JAG1: variants seen among roughly 807,000 people sequenced by gnomAD.
JAG1 encodes jagged canonical Notch ligand 1, also known as protein jagged-1.
Under a neutral mutation model 148.7 loss-of-function variants are expected in JAG1, and 23 were observed. That is an observed-to-expected ratio of 0.15 (90% CI 0.11 to 0.22). The LOEUF is 0.22. Among genes scored for constraint, JAG1 ranks in the 10% least tolerant of loss-of-function variants. JAG1 has a pLI of 1.00. For synonymous variants in JAG1, 572 were observed against 598.3 expected (o/e 0.96, Z 0.64); for missense variants, 1,054 against 1,611.2 (o/e 0.65, Z 5.92).
At chr20:10,671,615 TC>T (rs368946751) in intron 2 of JAG1, among the ~76,000 whole-genome samples, 1 of 151,598 alleles carries the variant, frequency 6.6e-6, no homozygotes, top group South Asian at 2.1e-4. Flanking sequence ...GGCACCGAGC[TC>T]CCCCTCTCAC....
In JAG1 at chr20:10,645,521, C is replaced by T. The variant is rs182041278; in HGVS notation, c.2000-52G>A. ...TGAAGACGAGATCCAGGACCATTCA[C>T]GACAGGCGAGAGCCAAGCCTTTCCT... On this transcript the variant is annotated intron_variant, in intron 15 of 25. Coordinates refer to ENST00000254958, the MANE Select transcript of JAG1 (RefSeq NM_000214.3). This position sits in a 1 kb window ranked among gnomAD's most constrained non-coding sequence, Gnocchi z 6.1. 900 of 1,449,688 alleles carry T rather than the reference C, an allele frequency of 6.2e-4. 4 individuals carry two copies. Among genetic ancestry groups the T allele is most frequent in the South Asian group, 1.3e-3 (113 of 87,834 alleles). The allele number at this position is 1,449,688 out of a possible 1,614,324, so 89.8% of individuals were successfully genotyped here.
intron 2 of JAG1, among the ~76,000 whole-genome samples, chr20:10,668,269 C>T (rs2067470642): frequency 2.6e-5 from 4 of 152,124 alleles, no homozygotes; most frequent in African/African-American, 7.2e-5. Flanking sequence ...AGAATCACCA[C>T]TTTCCATTCA....
chr20:10,670,104 T>A (rs1015177841), intron 2 of JAG1, among the ~76,000 whole-genome samples: 3 of 152,170 alleles, frequency 2.0e-5, no homozygotes, highest in Non-Finnish European at 4.4e-5. Context: ...AAGGGCCACC[T>A]CTACAAAGCC....
chr20:10,672,663 G>A (rs1256905517), intron 2 of JAG1, 38 bp downstream of exon 2: 4 of 1,602,842 alleles, frequency 2.5e-6, no homozygotes, highest in African/African-American at 1.3e-5. Flanking sequence ...GCGCGGGTGT[G>A]AGGCTCCGCC....
rs980796931 is a variant in JAG1 at position 10,673,319 on chromosome 20, C to A, written c.81+131G>T. On this transcript the variant is annotated intron_variant, in intron 1 of 25. Transcript: ENST00000254958. This position sits in a 1 kb window ranked among gnomAD's most constrained non-coding sequence, Gnocchi z 4.7. ...GTTGGCGCGCTCAGCCCAGGTGCAGCCGCTCGGGCGCAGGGGCGAGGAGTC... is the reference window on the plus strand; with the variant it reads ...GTTGGCGCGCTCAGCCCAGGTGCAGACGCTCGGGCGCAGGGGCGAGGAGTC... 1 of 750,822 alleles carries A rather than the reference C, an allele frequency of 1.3e-6. No individual in the cohort carries two copies. Among genetic ancestry groups the A allele is most frequent in the East Asian group, 2.8e-5 (1 of 35,790 alleles). The allele number at this position is 750,822 out of a possible 1,614,324, so 46.5% of individuals were successfully genotyped here. A position where few individuals can be genotyped will look rare whatever the true frequency, so the allele number is the denominator to read the frequency against.
rs1374389007 is a variant in JAG1, at chr20:10,664,028, A to G, written c.388-14T>C. ...CGTATAGGACCTCTGCAAGACAAACAAACAATTTAGCAATTCAGAAACAGG... is the reference window on the plus strand; with the variant it reads ...CGTATAGGACCTCTGCAAGACAAACGAACAATTTAGCAATTCAGAAACAGG... On this transcript the variant is annotated splice_polypyrimidine_tract_variant and intron_variant, in intron 2 of 25. Transcript: ENST00000254958. 10 of 1,612,568 alleles carry G rather than the reference A, an allele frequency of 6.2e-6. No individual in the cohort carries two copies. Among genetic ancestry groups the G allele is most frequent in the Non-Finnish European group, 8.5e-6 (10 of 1,178,532 alleles).
chr20:10,653,426 A>T (rs1366387991), intron 5 of JAG1, among the ~76,000 whole-genome samples: 1 of 150,680 alleles, frequency 6.6e-6, no homozygotes, highest in Non-Finnish European at 1.5e-5. Flanking sequence ...AACAACTTTC[A>T]TCTGGGGTGG....
chr20:10,672,929 G>A lies in JAG1; in HGVS notation c.159C>T (p.Asn53=). Residue 53 remains asparagine (N), a synonymous_variant, in exon 2 of 26, where the codon AAC becomes AAT. Coordinates refer to ENST00000254958, the MANE Select transcript of JAG1 (RefSeq NM_000214.3). ...CCGGGTTCCGGGCGCCGCCGCAGCAGTTCCCGTTCTGCAGCTCCCCGTTCA... is the reference window on the plus strand; with the variant it reads ...CCGGGTTCCGGGCGCCGCCGCAGCAATTCCCGTTCTGCAGCTCCCCGTTCA... The part of the protein sequence containing the change: ...QNVNGELQNG[N]CCGGARNPGD... The A allele has an allele frequency of 6.2e-7, 1 of 1,613,210 alleles. No homozygotes were observed. Among genetic ancestry groups the A allele is most frequent in the Non-Finnish European group, 8.5e-7 (1 of 1,180,000 alleles).
intron 8 of JAG1, 190 bp downstream of exon 8, chr20:10,651,391 A>C: frequency 1.7e-6 from 1 of 582,324 alleles, no homozygotes; most frequent in Non-Finnish European, 3.1e-6. Context: ...GCGCTACCTT[A>C]GTGGGACAGG....
At chr20:10,656,535 C>T in intron 4 of JAG1, 77 bp from the exon 5 acceptor site, 1 of 1,249,660 alleles carries the variant, frequency 8.0e-7, no homozygotes, top group Non-Finnish European at 1.2e-6. Context: ...TGGCCCATTG[C>T]ATTAAAGTCT....
rs762788344 is a variant in JAG1 at position 10,656,462 on chromosome 20, TA to T, written c.695-5del. ...CTGCAGCCTTGTCGGCAAATAGCTG[TA>T]AAAAACAGAGAAGGGCGTGTCAGCA... On this transcript the variant is annotated splice_polypyrimidine_tract_variant and splice_region_variant and intron_variant, in intron 4 of 25. Coordinates refer to ENST00000254958, the MANE Select transcript of JAG1 (RefSeq NM_000214.3). 1.9e-6 allele frequency: 3 copies of T among 1,613,472 alleles called. No individual in the cohort carries two copies. Among genetic ancestry groups the T allele is most frequent in the African/African-American group, 1.3e-5 (1 of 74,874 alleles).
chr20:10,671,993 C>T (rs544306624), intron 2 of JAG1, among the ~76,000 whole-genome samples: 1 of 152,020 alleles, frequency 6.6e-6, no homozygotes, highest in African/African-American at 2.4e-5. Flanking sequence ...CACAGCTGTT[C>T]CAGAGCCCGG....
intron 14 of JAG1, 118 bp downstream of exon 14, chr20:10,646,821 G>A (rs2067312262): frequency 2.2e-5 from 22 of 985,646 alleles, no homozygotes; most frequent in Non-Finnish European, 1.1e-5. Context: ...GCGAAATTCG[G>A]TCTCAAAAAA....
chr20:10,671,250 C>T (rs931249000), intron 2 of JAG1, among the ~76,000 whole-genome samples: 22 of 152,172 alleles, frequency 1.4e-4, no homozygotes, highest in Non-Finnish European at 4.4e-5. Context: ...TTAAAGTTCT[C>T]CCTAATAGGG....
At chr20:10,664,563 T>G (rs557970197) in intron 2 of JAG1, among the ~76,000 whole-genome samples, 152 of 152,246 alleles carry the variant, frequency 1.0e-3, no homozygotes, top group African/African-American at 3.4e-3. Context: ...GAGACCATCC[T>G]GGCTCCCACA....
intron 3 of JAG1, among the ~76,000 whole-genome samples, chr20:10,660,335 T>C (rs1653725826): frequency 1.3e-5 from 2 of 152,158 alleles, no homozygotes; most frequent in African/African-American, 4.8e-5. Flanking sequence ...GGTAACACTT[T>C]ACTCGTTTTT....
intron 18 of JAG1, 126 bp from the exon 19 acceptor site, chr20:10,644,510 C>T (rs1011215892): frequency 3.8e-6 from 3 of 783,260 alleles, no homozygotes; most frequent in South Asian, 2.9e-5. Context: ...CAGCAAAATA[C>T]CTTTGCTAAA....
At position 10,648,981 on chromosome 20, in the gene JAG1, CAG is replaced by C; in HGVS notation, c.1395+78_1395+79del. ...CCCAAATTTTTAAATCTCACAGGGA[CAG>C]AGCTCTCCTAGTGTCGCACAAATCT... On this transcript the variant is annotated intron_variant, in intron 11 of 25. Coordinates refer to ENST00000254958, the MANE Select transcript of JAG1 (RefSeq NM_000214.3). The C allele has an allele frequency of 7.5e-6, 9 of 1,202,122 alleles. No individual in the cohort carries two copies. The South Asian group carries it at 1.1e-4, about 15-fold the overall frequency. The allele number at this position is 1,202,122 out of a possible 1,614,324, so 74.5% of individuals were successfully genotyped here.
intron 2 of JAG1, among the ~76,000 whole-genome samples, chr20:10,665,428 C>A (rs1232164988): frequency 6.6e-6 from 1 of 152,214 alleles, no homozygotes; most frequent in Non-Finnish European, 1.5e-5. Flanking sequence ...GGCACATACC[C>A]AGCCCTCTCC....
Sources: gnomAD v4.1 joint callset for allele counts (sites outside exome capture counted in the v4.1 genomes callset) on GRCh38, gnomAD v4.1.1 for gene constraint, Gnocchi (gnomAD v3.1) non-coding constraint, MANE v1.5 for transcripts, NCBI Gene and HGNC (gene_info 2026-07-23, HGNC 2026-07-21) for gene names.